The following POLN variants were observed in gnomAD, a reference collection of about 807,000 sequenced individuals.
The protein encoded by POLN is DNA polymerase nu, also known as DNA polymerase N.
In POLN, 108 loss-of-function variants were observed where a neutral mutation model predicts 113.5. The observed-to-expected ratio is 0.95, with a 90% confidence interval of 0.81 to 1.12. The LOEUF (loss-of-function observed/expected upper bound fraction) is 1.12, where lower values mean the gene tolerates loss of function less well. Among genes scored for constraint, POLN ranks in the 50% most tolerant of loss-of-function variants. POLN has a pLI of 0.00. For missense variants in POLN, 1,097 were observed against 1,077.1 expected (o/e 1.02, Z -0.26); for synonymous variants, 386 against 391.5 (o/e 0.99, Z 0.17).
At chr4:2,211,811 TCAAACAAA>T (rs979958521) in intron 4 of POLN, among the ~76,000 whole-genome samples, 2 of 152,010 alleles carry the variant, frequency 1.3e-5, no homozygotes, top group African/African-American at 4.8e-5. Flanking sequence ...AAGGCCTGTC[TCAAACAAA>T]CAAACAAACA....
chr4:2,188,375 C>T (rs939062794), intron 7 of POLN, among the ~76,000 whole-genome samples: 8 of 152,028 alleles, frequency 5.3e-5, no homozygotes, highest in Admixed American at 2.6e-4. Context: ...CCGAGGTGGG[C>T]AGATCACGAG....
At chr4:2,072,934 C>T in intron 25 of POLN, 34 bp downstream of exon 25, 2 of 1,610,028 alleles carry the variant, frequency 1.2e-6, no homozygotes, top group Non-Finnish European at 8.5e-7. Context: ...ACCCTGGGCT[C>T]CGGAAGACCG....
At chr4:2,239,192 T>G in intron 2 of POLN, 3 of 511,220 alleles carry the variant, frequency 5.9e-6, no homozygotes, top group Non-Finnish European at 1.0e-5. Context: ...AAATTACAGT[T>G]TAAAAGGGAA....
At chr4:2,072,517 C>T (rs1730173785) in intron 25 of POLN, among the ~76,000 whole-genome samples, 1 of 152,236 alleles carries the variant, frequency 6.6e-6, no homozygotes, top group Non-Finnish European at 1.5e-5. Flanking sequence ...CACGACACCT[C>T]GATCTTGGCG....
intron 2 of POLN, 90 bp downstream of exon 2, chr4:2,241,427 CAGG>C: frequency 1.1e-6 from 1 of 881,344 alleles, no homozygotes; most frequent in African/African-American, 1.8e-5. Context: ...CCCAAGCCAC[CAGG>C]AGGCTAGGCA....
intron 16 of POLN, among the ~76,000 whole-genome samples, chr4:2,146,727 C>A (rs1011625267): frequency 6.6e-6 from 1 of 152,070 alleles, no homozygotes; most frequent in Admixed American, 6.6e-5. Flanking sequence ...GGGCAGCAGC[C>A]AGGCCAAGAA....
At chr4:2,128,875 T>G (rs1731652300) in intron 18 of POLN, among the ~76,000 whole-genome samples, 1 of 151,840 alleles carries the variant, frequency 6.6e-6, no homozygotes, top group Non-Finnish European at 1.5e-5. Context: ...ACCAACACAG[T>G]GAAACCCTGT....
At chr4:2,085,517 C>A in intron 21 of POLN, 96 bp downstream of exon 21, 1 of 1,538,448 alleles carries the variant, frequency 6.5e-7, no homozygotes, top group Admixed American at 1.8e-5. Context: ...AACCTCAGGA[C>A]CCAGGGCCCG....
rs1287774808 is a variant in POLN, at chr4:2,170,780, A to G, written c.1459-6T>C. The G allele has an allele frequency of 1.9e-6, 3 of 1,611,026 alleles. No individual in the cohort carries two copies. The highest frequency in any genetic ancestry group is 2.7e-5 in the African/African-American group (2 of 74,890). ...TTTAACTTGCCAAAGAGGATCTTCA[A>G]CAAAACAAATTAAACATGGTGAGGG... On this transcript the variant is annotated splice_polypyrimidine_tract_variant and splice_region_variant and intron_variant, in intron 12 of 25. Coordinates refer to ENST00000511885, the MANE Select transcript of POLN (RefSeq NM_181808.4).
intron 19 of POLN, among the ~76,000 whole-genome samples, chr4:2,106,266 G>T (rs145618954): frequency 6.6e-6 from 1 of 152,136 alleles, no homozygotes; most frequent in African/African-American, 2.4e-5. Context: ...GAATTTTCAC[G>T]TGAATAGCCA....
intron 5 of POLN, among the ~76,000 whole-genome samples, chr4:2,202,968 T>C (rs935258394): frequency 1.3e-5 from 2 of 152,000 alleles, no homozygotes; most frequent in Non-Finnish European, 2.9e-5. Context: ...AAAGAAACAA[T>C]GGATTTAAAC....
At chr4:2,231,870 A>G (rs1734589938) in intron 2 of POLN, 1 of 757,936 alleles carries the variant, frequency 1.3e-6, no homozygotes, top group Non-Finnish European at 2.2e-6. Context: ...TTTATTATAC[A>G]CAGTCTTCTA....
At chr4:2,239,812 A>G (rs1734904898) in intron 2 of POLN, among the ~76,000 whole-genome samples, 1 of 152,244 alleles carries the variant, frequency 6.6e-6, no homozygotes, top group South Asian at 2.1e-4. Context: ...GTTTAAAATA[A>G]ATTAGATAAT....
intron 3 of POLN, among the ~76,000 whole-genome samples, chr4:2,224,627 A>C (rs1041958545): frequency 6.6e-6 from 1 of 152,140 alleles, no homozygotes; most frequent in African/African-American, 2.4e-5. Flanking sequence ...CTGGTAGTGC[A>C]GTAGGTTTGT....
intron 19 of POLN, among the ~76,000 whole-genome samples, chr4:2,100,429 G>C (rs1394388849): frequency 2.6e-5 from 4 of 152,130 alleles, no homozygotes; most frequent in African/African-American, 9.7e-5. Context: ...CTGACAATAA[G>C]TTTAAGAAGA....
At chr4:2,205,227 A>G (rs1210803995) in intron 5 of POLN, among the ~76,000 whole-genome samples, 1 of 152,256 alleles carries the variant, frequency 6.6e-6, no homozygotes, top group Non-Finnish European at 1.5e-5. Flanking sequence ...AACTGATGAA[A>G]GAATTCAGCC....
chr4:2,159,304 G>A (rs893688355), intron 13 of POLN, 93 bp from the exon 14 acceptor site: 1 of 1,036,830 alleles, frequency 9.6e-7, no homozygotes, highest in Admixed American at 2.3e-5. Flanking sequence ...ATAATAAATG[G>A]TCTAATTGAG....
chr4:2,161,878 C>T (rs906699216), intron 13 of POLN, among the ~76,000 whole-genome samples: 6 of 152,172 alleles, frequency 3.9e-5, no homozygotes, highest in Non-Finnish European at 7.3e-5. Context: ...CACCAATTGA[C>T]GCTCTGTATC....
At chr4:2,209,657 C>CTTTTTTTTTTTTTTTTTTTT (rs1175117439) in intron 4 of POLN, among the ~76,000 whole-genome samples, 1 of 108,430 alleles carries the variant, frequency 9.2e-6, no homozygotes, top group Non-Finnish European at 1.8e-5. Flanking sequence ...TTTCCTTTTC[C>CTTTTTTTTTTTTTTTTTTTT]TTTTTTTTTT....
Sources: allele counts gnomAD v4.1 joint callset (sites outside exome capture counted in the v4.1 genomes callset), GRCh38; gene constraint gnomAD v4.1.1; transcripts MANE v1.5; gene names NCBI Gene and HGNC (gene_info 2026-07-23, HGNC 2026-07-21).